MAST4: variants seen among roughly 807,000 people sequenced by gnomAD.
MAST4 encodes the protein microtubule-associated serine/threonine-protein kinase 4.
In MAST4, 89 loss-of-function variants were observed where a neutral mutation model predicts 162.7. That is an observed-to-expected ratio of 0.55 (90% CI 0.46 to 0.65). MAST4 has a LOEUF of 0.65. MAST4 is among the 30% of genes least tolerant of loss of function. The pLI is 0.00. For missense variants in MAST4, 3,153 were observed against 3,374.0 expected (o/e 0.93, Z 1.62); for synonymous variants, 1,479 against 1,361.1 (o/e 1.09, Z -1.91).
chr5:66,932,799 A>T (rs1172860200), intron 4 of MAST4, among the ~76,000 whole-genome samples: 1 of 152,172 alleles, frequency 6.6e-6, no homozygotes, highest in Admixed American at 6.5e-5. Context: ...TTAGTCTTTG[A>T]TAGAGTGAAA....
intron 3 of MAST4, among the ~76,000 whole-genome samples, chr5:66,844,407 T>A (rs1398211280): frequency 6.6e-6 from 1 of 152,182 alleles, no homozygotes; most frequent in African/African-American, 2.4e-5. Context: ...ATCTGTATGC[T>A]GAAAACAGTA....
chr5:67,042,289 CAAAT>C (rs913327317), intron 4 of MAST4, among the ~76,000 whole-genome samples: 2 of 152,170 alleles, frequency 1.3e-5, no homozygotes, highest in African/African-American at 2.4e-5. Context: ...TGTTACCCCA[CAAAT>C]AACAACAGCA....
chr5:66,745,265 C>G (rs1226097693), intron 1 of MAST4, among the ~76,000 whole-genome samples: 1 of 152,164 alleles, frequency 6.6e-6, no homozygotes, highest in African/African-American at 2.4e-5. Context: ...TGATGAGCTG[C>G]ACGATGCCTT....
intron 4 of MAST4, among the ~76,000 whole-genome samples, chr5:66,965,555 T>C (rs1254907366): frequency 1.2e-5 from 1 of 80,884 alleles, no homozygotes; most frequent in South Asian, 4.9e-4. Flanking sequence ...TTGAAAAATA[T>C]TGGAGGTTCA....
In MAST4 at chr5:66,609,392, C is replaced by CTTT. The variant is rs373893029; in HGVS notation, c.363+12389_363+12391dup. Reference sequence around the variant, plus strand: ...AAACTTGTTTTGTACCAATGCACTACTTTTTTTTTTTTTTTTTGAGACAGC... The same window carrying CTTT: ...AAACTTGTTTTGTACCAATGCACTACTTTTTTTTTTTTTTTTTTTTGAGACAGC... On this transcript the variant is annotated intron_variant, in intron 1 of 28. Transcript: ENST00000403625. Among the ~76,000 whole-genome samples, 986 of 128,596 alleles carry CTTT rather than the reference C, an allele frequency of 7.7e-3. 18 individuals carry two copies. The highest frequency in any genetic ancestry group is 0.014 in the African/African-American group (466 of 33,172). The allele number at this position is 128,596 out of a possible 152,430, so 84.4% of individuals were successfully genotyped here. A position where few individuals can be genotyped will look rare whatever the true frequency, so the allele number is the denominator to read the frequency against.
intron 1 of MAST4, among the ~76,000 whole-genome samples, chr5:66,695,144 A>G (rs1377335941): frequency 1.3e-5 from 2 of 151,972 alleles, no homozygotes; most frequent in East Asian, 3.9e-4. Flanking sequence ...GTGTTTTTAT[A>G]GTTTTGCATT....
chr5:67,054,343 T>C, intron 4 of MAST4, 61 bp from the exon 5 acceptor site: 2 of 1,398,462 alleles, frequency 1.4e-6, no homozygotes, highest in Non-Finnish European at 2.0e-6. Context: ...ACCGGGAACA[T>C]GGTTGAACAT....
chr5:67,166,863 G>A lies in MAST4; in HGVS notation c.7684G>A (p.Gly2562Arg), dbSNP rs1443267653. ...SVTATVGETK[G>R]KDPAPAQPPP... ...GACTGCCACCGTAGGGGAAACCAAAGGGAAGGACCCTGCCCCAGCCCAGCC... is the reference window on the plus strand; with the variant it reads ...GACTGCCACCGTAGGGGAAACCAAAAGGAAGGACCCTGCCCCAGCCCAGCC... The change falls in exon 29 of 29, where the codon GGG (glycine) becomes AGG (arginine). Residue 2562 changes from glycine (G) to arginine (R), a missense_variant. Gly to Arg is a moderately radical substitution (Grantham distance 125). Coordinates refer to ENST00000403625, the MANE Select transcript of MAST4 (RefSeq NM_001164664.2). 3 of 1,607,592 alleles carry A rather than the reference G, an allele frequency of 1.9e-6. No individual in the cohort carries two copies. The highest frequency in any genetic ancestry group is 3.3e-4 in the Middle Eastern group (2 of 6,056).
chr5:67,143,277 CAA>C (rs11284037), intron 21 of MAST4, among the ~76,000 whole-genome samples: 192 of 139,174 alleles, frequency 1.4e-3, no homozygotes, highest in Non-Finnish European at 1.6e-3. Flanking sequence ...AAAAAAAAGC[CAA>C]AAAAAAAAAA....
chr5:66,779,821 T>C (rs1754770964), intron 2 of MAST4, among the ~76,000 whole-genome samples: 2 of 152,214 alleles, frequency 1.3e-5, no homozygotes, highest in African/African-American at 4.8e-5. Context: ...AGACAGTGAC[T>C]CTTTGCGGTC....
chr5:66,991,435 C>T (rs574338911), intron 4 of MAST4, among the ~76,000 whole-genome samples: 3 of 152,272 alleles, frequency 2.0e-5, no homozygotes, highest in African/African-American at 4.8e-5. Flanking sequence ...GAAGCACATA[C>T]GAAATAGCCT....
chr5:66,897,841 T>G (rs999370910), intron 3 of MAST4, among the ~76,000 whole-genome samples: 1 of 152,152 alleles, frequency 6.6e-6, no homozygotes, highest in African/African-American at 2.4e-5. Context: ...ACAGAGTTGG[T>G]TTTTATCCCT....
chr5:66,843,225 C>T (rs1758549958), intron 3 of MAST4, among the ~76,000 whole-genome samples: 1 of 152,170 alleles, frequency 6.6e-6, no homozygotes. Flanking sequence ...AGCACATTTT[C>T]TTTGTTTGAT....
chr5:66,951,634 G>GTGTGTA (rs1554072461), intron 4 of MAST4, among the ~76,000 whole-genome samples: 7 of 148,728 alleles, frequency 4.7e-5, no homozygotes, highest in African/African-American at 1.5e-4. Context: ...GTGTGTGTGT[G>GTGTGTA]TGTGTGTGTG....
At chr5:66,756,346 G>A (rs1251891077) in intron 1 of MAST4, among the ~76,000 whole-genome samples, 2 of 152,246 alleles carry the variant, frequency 1.3e-5, no homozygotes, top group Non-Finnish European at 2.9e-5. Flanking sequence ...CCAGCAGCAT[G>A]TAGGTGACCA....
chr5:66,889,493 A>G (rs1033964161), intron 3 of MAST4, among the ~76,000 whole-genome samples: 1 of 152,240 alleles, frequency 6.6e-6, no homozygotes, highest in African/African-American at 2.4e-5. Context: ...TCCTTCTGCT[A>G]AAGTAATTTT....
intron 1 of MAST4, among the ~76,000 whole-genome samples, chr5:66,632,809 T>C (rs1744872054): frequency 6.6e-6 from 1 of 152,200 alleles, no homozygotes. Flanking sequence ...TGAAATGAAG[T>C]GTTTTATATA....
At chr5:67,106,150 G>A (rs952580723) in intron 10 of MAST4, among the ~76,000 whole-genome samples, 3 of 151,936 alleles carry the variant, frequency 2.0e-5, no homozygotes, top group African/African-American at 7.3e-5. Flanking sequence ...GTTTTCTCAC[G>A]ATCTCATCTT....
At chr5:66,738,258 G>A (rs977713297) in intron 1 of MAST4, 4 of 152,294 alleles carry the variant, frequency 2.6e-5, no homozygotes, top group Admixed American at 1.3e-4. Flanking sequence ...GCAGAGCTAG[G>A]TAAGAGTGTT....
Sources: gnomAD v4.1 joint callset for allele counts (sites outside exome capture counted in the v4.1 genomes callset) on GRCh38, gnomAD v4.1.1 for gene constraint, MANE v1.5 for transcripts, NCBI Gene and HGNC (gene_info 2026-07-23, HGNC 2026-07-21) for gene names.